IGF2R: variants seen among roughly 807,000 people sequenced by gnomAD.
The protein encoded by IGF2R is cation-independent mannose-6-phosphate receptor.
IGF2R carries 91 observed loss-of-function variants against 270.6 expected under a neutral mutation model. The observed-to-expected ratio is 0.34, with a 90% CI of 0.28 to 0.40. The LOEUF is 0.40. IGF2R is among the 10% of genes least tolerant of loss of function. IGF2R has a pLI of 1.00. For missense variants in IGF2R, 2,805 were observed against 3,188.3 expected (o/e 0.88, Z 2.90); for synonymous variants, 1,316 against 1,258.9 (o/e 1.05, Z -0.96).
At chr6:160,053,022 G>T (rs970201188) in intron 19 of IGF2R, among the ~76,000 whole-genome samples, 6 of 152,174 alleles carry the variant, frequency 3.9e-5, no homozygotes, top group Non-Finnish European at 8.8e-5. Flanking sequence ...ATAAGCATGG[G>T]CAAGGACTTC....
rs1046761386 is a variant in IGF2R, at chr6:159,998,972, G to A, written c.289+7649G>A. 4.6e-5 allele frequency among the ~76,000 whole-genome samples: 7 copies of A among 152,174 alleles called. 1 individual carries two copies. In the South Asian group the frequency reaches 6.2e-4, roughly 13 times the overall value. On this transcript the variant is annotated intron_variant, in intron 2 of 47. Coordinates refer to ENST00000356956, the MANE Select transcript of IGF2R (RefSeq NM_000876.4). The surrounding 1 kb of genome is among the most constrained non-coding windows in gnomAD (Gnocchi z 4.1). ...ATGTTATAAATGAAGAAATGGAAGC[G>A]CAAAATGGATCTGTGTTCTACAGTG...
rs774057008 is a variant in IGF2R, at chr6:160,048,494, G to C, written c.2465G>C (p.Gly822Ala). ...NVCRPLNPVP[G>A]CNRYASACQM... ...TGTCGGCCTCTGAATCCAGTGCCGGGCTGCAACCGATATGCATCGGCTTGC... is the reference window on the plus strand; with the variant it reads ...TGTCGGCCTCTGAATCCAGTGCCGGCCTGCAACCGATATGCATCGGCTTGC... The change falls in exon 18 of 48, where the codon GGC becomes GCC. Residue 822 changes from glycine (G) to alanine (A), a missense_variant. Physicochemically the swap from Gly to Ala is moderately conservative, Grantham distance 60. Around this residue, in one of 2 missense-constraint regions of IGF2R, gnomAD observed 1,851 missense variants for 2,207.2 expected, o/e 0.84. Coordinates refer to ENST00000356956, the MANE Select transcript of IGF2R (RefSeq NM_000876.4). The C allele has an allele frequency of 3.1e-6, 5 of 1,614,186 alleles. No individual in the cohort carries two copies. Among genetic ancestry groups the C allele is most frequent in the Non-Finnish European group, 4.2e-6 (5 of 1,180,016 alleles).
chr6:160,098,648 G>A lies in IGF2R; in HGVS notation c.6842+2023G>A, dbSNP rs369368668. Among the ~76,000 whole-genome samples the A allele has an allele frequency of 7.2e-4, 109 of 152,168 alleles. 3 individuals carry two copies. In the South Asian group the frequency reaches 0.019, roughly 26 times the overall value. ...AGCCTGGGCAACATGGTGAAACCCC[G>A]TCTCTACTAAAAATACAAAAATTAG... On this transcript the variant is annotated intron_variant, in intron 45 of 47. Transcript: ENST00000356956.
intron 46 of IGF2R, among the ~76,000 whole-genome samples, chr6:160,103,319 C>CAA (rs755283229): frequency 1.8e-5 from 2 of 109,818 alleles, no homozygotes; most frequent in Non-Finnish European, 2.0e-5. Flanking sequence ...AGACTCTGTC[C>CAA]AAAAAAAAAA....
Position 160,080,226 on chromosome 6 carries a change from C to T in IGF2R, c.5784C>T (p.Ser1928=). The T allele has an allele frequency of 6.2e-7, 1 of 1,614,180 alleles. No individual in the cohort carries two copies. Among genetic ancestry groups the T allele is most frequent in the African/African-American group, 1.3e-5 (1 of 75,054 alleles). ...AGAGCAGGGCGAAGCTGTGGTGTAG[C>T]ACAACTGCGGACTACGACAGAGACC... ...IIESRAKLWC[S]TTADYDRDHE... is the part of the protein sequence containing the mutation. The change falls in exon 39 of 48, where the codon AGC becomes AGT. Residue 1928 remains serine (S), a synonymous_variant. Coordinates refer to ENST00000356956, the MANE Select transcript of IGF2R (RefSeq NM_000876.4).
At chr6:160,037,987 C>T (rs183039795) in intron 10 of IGF2R, among the ~76,000 whole-genome samples, 124 of 152,188 alleles carry the variant, frequency 8.1e-4, no homozygotes, top group Non-Finnish European at 1.1e-3. Context: ...GGCTGGGAAA[C>T]GGAGTTTAGC....
In IGF2R at chr6:160,096,744, T is replaced by C. The variant is rs1417832967; in HGVS notation, c.6842+119T>C. ...AATATTCAGAACATGCACCAAAAAA[T>C]AGAGAAAATGATAGAAGCGGACCCC... On this transcript the variant is annotated intron_variant, in intron 45 of 47. Transcript: ENST00000356956. 1.4e-5 allele frequency: 12 copies of C among 835,960 alleles called. No individual in the cohort carries two copies. The African/African-American group carries it at 2.1e-4, about 15-fold the overall frequency. The allele number at this position is 835,960 out of a possible 1,614,324, so 51.8% of individuals were successfully genotyped here. A position where few individuals can be genotyped will look rare whatever the true frequency, so the allele number is the denominator to read the frequency against.
intron 19 of IGF2R, among the ~76,000 whole-genome samples, chr6:160,052,412 C>T (rs996441307): frequency 6.6e-6 from 1 of 152,072 alleles, no homozygotes; most frequent in African/African-American, 2.4e-5. Context: ...AACTACAAAC[C>T]ACTGCTCAAG....
chr6:160,043,390 T>C (rs1203407973), intron 12 of IGF2R, 102 bp downstream of exon 12: 2 of 1,299,654 alleles, frequency 1.5e-6, no homozygotes, highest in Non-Finnish European at 2.1e-6. Context: ...GCCTCCTCTT[T>C]CTATAATCAC....
chr6:160,059,880 C>T lies in IGF2R; in HGVS notation c.3092-667C>T, dbSNP rs750373938. 6.0e-4 allele frequency among the ~76,000 whole-genome samples: 91 copies of T among 152,232 alleles called. 1 individual carries two copies. The highest frequency in any genetic ancestry group is 9.7e-4 in the Non-Finnish European group (66 of 68,048). On this transcript the variant is annotated intron_variant, in intron 22 of 47. Coordinates refer to ENST00000356956, the MANE Select transcript of IGF2R (RefSeq NM_000876.4). ...GGGTTTTCGTCTGCTTCATTCATTC[C>T]GATACATGGTAGGAACTTAGTATTT...
rs1210070932 is a variant in IGF2R at position 160,004,178 on chromosome 6, G to C, written c.290-4832G>C. The C allele has an allele frequency of 6.6e-6, 1 of 152,206 alleles. No homozygotes were observed. The highest frequency in any genetic ancestry group is 1.5e-5 in the Non-Finnish European group (1 of 68,064). The allele number at this position is 152,206 out of a possible 1,614,324, so 9.4% of individuals were successfully genotyped here. On this transcript the variant is annotated intron_variant, in intron 2 of 47. Transcript: ENST00000356956. This position sits in a 1 kb window ranked among gnomAD's most constrained non-coding sequence, Gnocchi z 5.2. The stretch of plus-strand genomic sequence containing the variant: ...GCAGGGGAGAGAGGAAGACTTGCTT[G>C]AGCACATCGGGAAGTAGGACAGGAA...
Position 160,084,044 on chromosome 6 carries a change from T to C in IGF2R, c.5928T>C (p.Asp1976=). ...PQVFSEVRGC[D]VTFEWKTKVV... The stretch of plus-strand genomic sequence containing the variant: ...TCTTCAGTGAAGTGCGTGGGTGTGA[T>C]GTGACATTTGAGTGGAAAACAAAAG... The change falls in exon 40 of 48, where the codon GAT becomes GAC. Residue 1976 remains aspartate, a synonymous_variant. Coordinates refer to ENST00000356956, the MANE Select transcript of IGF2R (RefSeq NM_000876.4). This position sits in a 1 kb window ranked among gnomAD's most constrained non-coding sequence, Gnocchi z 4.6. 1 of 1,614,118 alleles carries C rather than the reference T, an allele frequency of 6.2e-7. No homozygotes were observed. The highest frequency in any genetic ancestry group is 1.6e-4 in the Middle Eastern group (1 of 6,062).
intron 1 of IGF2R, among the ~76,000 whole-genome samples, chr6:159,989,507 T>G (rs1191671194): frequency 6.6e-6 from 1 of 152,254 alleles, no homozygotes; most frequent in Non-Finnish European, 1.5e-5. Flanking sequence ...AACTCCTGGA[T>G]GGGCCTAGCC....
intron 44 of IGF2R, 157 bp from the exon 45 acceptor site, chr6:160,096,282 C>G: frequency 1.6e-6 from 1 of 627,030 alleles, no homozygotes; most frequent in African/African-American, 1.8e-5. Context: ...ATCGAGTGGC[C>G]TCGTAAGCTG....
chr6:160,040,838 C>T (rs1777929986), intron 11 of IGF2R, 114 bp downstream of exon 11: 1 of 1,028,146 alleles, frequency 9.7e-7, no homozygotes. Flanking sequence ...GCGTCACAGC[C>T]CTCCCCCAGT....
At chr6:160,035,131 C>T (rs1867348) in intron 10 of IGF2R, among the ~76,000 whole-genome samples, 15,083 of 152,128 alleles carry the variant, frequency 0.099, 1,474 homozygotes, top group East Asian at 0.51. Flanking sequence ...GATGGGATTC[C>T]GTCATCATCA....
intron 1 of IGF2R, among the ~76,000 whole-genome samples, chr6:159,984,742 C>T (rs751069034): frequency 7.1e-4 from 108 of 152,158 alleles, no homozygotes; most frequent in Non-Finnish European, 1.2e-3. Context: ...GATGACGTAT[C>T]GCCATTAAGT....
intron 45 of IGF2R, among the ~76,000 whole-genome samples, chr6:160,098,567 C>G (rs997384629): frequency 1.3e-5 from 2 of 152,012 alleles, no homozygotes; most frequent in Non-Finnish European, 2.9e-5. Flanking sequence ...GCTTGTAATC[C>G]CAACATTTTG....
chr6:160,022,016 A>ACACACACACC (rs1243821842), intron 4 of IGF2R, among the ~76,000 whole-genome samples: 3 of 143,980 alleles, frequency 2.1e-5, no homozygotes, highest in Non-Finnish European at 4.6e-5. Flanking sequence ...GGTAAAGAAC[A>ACACACACACC]CACACACACA....
Sources: allele counts gnomAD v4.1 joint callset (sites outside exome capture counted in the v4.1 genomes callset), GRCh38; gene constraint gnomAD v4.1.1; regional missense constraint gnomAD v4.1.1; non-coding constraint Gnocchi (gnomAD v3.1); transcripts MANE v1.5; gene names NCBI Gene and HGNC (gene_info 2026-07-23, HGNC 2026-07-21).